Variants in NFIB observed in about 807,000 individuals in gnomAD.
NFIB encodes the protein nuclear factor 1 B-type.
NFIB carries 11 observed loss-of-function variants against 61.5 expected under a neutral mutation model. The observed-to-expected ratio is 0.18, with a 90% CI of 0.11 to 0.30. The LOEUF is 0.30. Ranked by LOEUF, NFIB falls within the 10% of genes least tolerant of loss-of-function variation. NFIB has a pLI of 1.00. For missense variants in NFIB, 471 were observed against 608.9 expected (o/e 0.77, Z 2.38); for synonymous variants, 260 against 216.5 (o/e 1.20, Z -1.76).
chr9:14,475,437 G>A, the NFIB span, among the ~76,000 whole-genome samples: 4 of 152,138 alleles, frequency 2.6e-5, no homozygotes, highest in South Asian at 2.1e-4. Context: ...CATGATGGAC[G>A]GTACAGTTCA....
chr9:14,288,121 T>A (rs1040693202), intron 2 of NFIB, among the ~76,000 whole-genome samples: 2 of 152,110 alleles, frequency 1.3e-5, no homozygotes, highest in African/African-American at 4.8e-5. Flanking sequence ...ATCTTCTCAA[T>A]TCCAAAATAT....
intron 10 of NFIB, among the ~76,000 whole-genome samples, chr9:14,110,180 A>C (rs1204667665): frequency 6.6e-6 from 1 of 152,086 alleles, no homozygotes; most frequent in East Asian, 1.9e-4. Flanking sequence ...TCTTGTGGAA[A>C]GATTATTTAT....
chr9:14,168,308 G>A (rs962062489), intron 3 of NFIB, among the ~76,000 whole-genome samples: 3 of 152,168 alleles, frequency 2.0e-5, no homozygotes, highest in Non-Finnish European at 4.4e-5. Flanking sequence ...CTCACCCAAA[G>A]GGGCTCAGAA....
intron 2 of NFIB, among the ~76,000 whole-genome samples, chr9:14,266,425 C>G (rs1479532189): frequency 6.6e-6 from 1 of 151,478 alleles, no homozygotes; most frequent in Non-Finnish European, 1.5e-5. Context: ...ACCCCCATTT[C>G]TAGAAAAAAA....
rs1193452527 is a variant in NFIB, at chr9:14,083,237, G to A, written c.*5072C>T. 1.8e-5 allele frequency: 4 copies of A among 224,540 alleles called. No individual in the cohort carries two copies. Among genetic ancestry groups the A allele is most frequent in the Non-Finnish European group, 3.6e-5 (4 of 112,464 alleles). 13.9% of individuals were successfully genotyped at this position (224,540 alleles called of 1,614,324 possible). A position where few individuals can be genotyped will look rare whatever the true frequency, so the allele number is the denominator to read the frequency against. The stretch of plus-strand genomic sequence containing the variant: ...TGGCACGGACACAGTACAAAGAGTT[G>A]TCATGGCAATGAGTTTGGCTGATGC... On this transcript the variant is annotated 3_prime_UTR_variant, in exon 11 of 11. Coordinates refer to ENST00000380953, the MANE Select transcript of NFIB (RefSeq NM_001190737.2).
Position 14,086,859 on chromosome 9 carries a change from G to C in NFIB, c.*1450C>G, listed in dbSNP as rs1486695462. 1 of 201,100 alleles carries C rather than the reference G, an allele frequency of 5.0e-6. No homozygotes were observed. Among genetic ancestry groups the C allele is most frequent in the Non-Finnish European group, 1.0e-5 (1 of 98,034 alleles). The allele number at this position is 201,100 out of a possible 1,614,324, so 12.5% of individuals were successfully genotyped here. On this transcript the variant is annotated 3_prime_UTR_variant, in exon 11 of 11. Transcript: ENST00000380953. The stretch of plus-strand genomic sequence containing the variant: ...GGACATTATATCTTCGTGCAAATTA[G>C]GATTACTGGAAAGAGTATTTTTAAT...
At chr9:14,173,724 T>C (rs538297623) in intron 3 of NFIB, among the ~76,000 whole-genome samples, 1 of 152,350 alleles carries the variant, frequency 6.6e-6, no homozygotes, top group South Asian at 2.1e-4. Context: ...TAGTATTTAA[T>C]TGTTAACTCA....
At chr9:14,184,856 A>G (rs576304546) in intron 2 of NFIB, among the ~76,000 whole-genome samples, 3 of 152,184 alleles carry the variant, frequency 2.0e-5, no homozygotes, top group East Asian at 3.9e-4. Context: ...CCCCGTCTCT[A>G]CCAAAAAATA....
At chr9:14,407,197 G>A in the NFIB span, among the ~76,000 whole-genome samples, 1 of 152,246 alleles carries the variant, frequency 6.6e-6, no homozygotes, top group East Asian at 1.9e-4. Context: ...GTTAAATAAT[G>A]CCCTTAGGAT....
chr9:14,316,867 A>G (rs975334018), upstream of NFIB, among the ~76,000 whole-genome samples: 3 of 152,216 alleles, frequency 2.0e-5, no homozygotes, highest in African/African-American at 4.8e-5. Context: ...GAGTTAATTT[A>G]CCATAAAAGA....
intron 6 of NFIB, among the ~76,000 whole-genome samples, chr9:14,131,136 G>T (rs538351858): frequency 2.0e-5 from 3 of 152,064 alleles, no homozygotes; most frequent in Non-Finnish European, 4.4e-5. Context: ...CACATTGATG[G>T]TGTTATTCTT....
intron 2 of NFIB, among the ~76,000 whole-genome samples, chr9:14,240,396 G>C (rs1162783437): frequency 6.6e-6 from 1 of 152,170 alleles, no homozygotes; most frequent in East Asian, 1.9e-4. Context: ...CATATGGCTG[G>C]GGAGCCAAAA....
chr9:14,479,298 T>G, the NFIB span, among the ~76,000 whole-genome samples: 2 of 152,190 alleles, frequency 1.3e-5, no homozygotes, highest in African/African-American at 2.4e-5. Flanking sequence ...TGACATCATC[T>G]TCTTCTTTAT....
intron 3 of NFIB, among the ~76,000 whole-genome samples, chr9:14,179,006 T>A (rs1218499522): frequency 6.6e-6 from 1 of 152,164 alleles, no homozygotes. Flanking sequence ...TTTACTAAAG[T>A]CACCAATATA....
At chr9:14,292,606 C>G (rs1002566580) in intron 2 of NFIB, among the ~76,000 whole-genome samples, 5 of 152,154 alleles carry the variant, frequency 3.3e-5, no homozygotes, top group South Asian at 2.1e-4. Flanking sequence ...TCTTCCCTGA[C>G]AGATACAGAA....
intron 3 of NFIB, among the ~76,000 whole-genome samples, chr9:14,178,631 A>C (rs972020492): frequency 4.6e-5 from 7 of 152,194 alleles, no homozygotes; most frequent in African/African-American, 1.7e-4. Flanking sequence ...GAAATAAAAA[A>C]ACATAGGACT....
At chr9:14,415,647 T>A in the NFIB span, among the ~76,000 whole-genome samples, 1 of 152,196 alleles carries the variant, frequency 6.6e-6, no homozygotes. Flanking sequence ...ATTAGAGACA[T>A]GAAGCTTAGG....
the NFIB span, among the ~76,000 whole-genome samples, chr9:14,419,576 TGTTAC>T: frequency 3.3e-5 from 5 of 152,214 alleles, no homozygotes; most frequent in African/African-American, 1.2e-4. Context: ...CAACGAGCCC[TGTTAC>T]GTTACGTAGC....
chr9:14,097,629 C>G (rs911495806), intron 10 of NFIB, among the ~76,000 whole-genome samples: 4 of 152,026 alleles, frequency 2.6e-5, no homozygotes, highest in Non-Finnish European at 5.9e-5. Flanking sequence ...ACACTACATA[C>G]ACACACACAT....
Sources: gnomAD v4.1 joint callset for allele counts (sites outside exome capture counted in the v4.1 genomes callset) on GRCh38, gnomAD v4.1.1 for gene constraint, MANE v1.5 for transcripts, NCBI Gene and HGNC (gene_info 2026-07-23, HGNC 2026-07-21) for gene names.